Variants in PLEKHA5 observed in about 807,000 individuals in gnomAD.
PLEKHA5 encodes pleckstrin homology domain containing A5.
PLEKHA5 carries 55 observed loss-of-function variants against 181.9 expected under a neutral mutation model. That is an observed-to-expected ratio of 0.30 (90% CI 0.24 to 0.38). The LOEUF is 0.38. Ranked by LOEUF, PLEKHA5 falls within the 10% of genes least tolerant of loss-of-function variation. PLEKHA5 has a pLI of 1.00. For missense variants in PLEKHA5, 1,432 were observed against 1,549.5 expected (o/e 0.92, Z 1.27); for synonymous variants, 535 against 529.4 (o/e 1.01, Z -0.15).
chr12:19,263,184 G>A (rs1199787794), intron 7 of PLEKHA5, among the ~76,000 whole-genome samples: 1 of 147,216 alleles, frequency 6.8e-6, no homozygotes, highest in African/African-American at 2.5e-5. Flanking sequence ...ATTTTTTTTT[G>A]CATATTTAGT....
At chr12:19,232,742 T>C (rs1278526354) in intron 3 of PLEKHA5, among the ~76,000 whole-genome samples, 2 of 152,124 alleles carry the variant, frequency 1.3e-5, no homozygotes, top group African/African-American at 4.8e-5. Flanking sequence ...GTAGTGAAAT[T>C]TCACCTCTAA....
intron 3 of PLEKHA5, among the ~76,000 whole-genome samples, chr12:19,248,511 GTTTAGATATA>G (rs2152502931): frequency 6.6e-6 from 1 of 152,088 alleles, no homozygotes; most frequent in South Asian, 2.1e-4. Context: ...CCTTTTCTGT[GTTTAGATATA>G]TTTAGATACA....
rs531914013 is a variant in PLEKHA5 at position 19,266,622 on chromosome 12, A to G, written c.711+772A>G. 3.3e-5 allele frequency among the ~76,000 whole-genome samples: 5 copies of G among 152,088 alleles called. No individual in the cohort carries two copies. The South Asian group carries it at 1.0e-3, about 32-fold the overall frequency. ...AACATGGTAAAACCCCGACTCTACT[A>G]AAATTACAAAAATTAGCCAGGTGTG... On this transcript the variant is annotated intron_variant, in intron 8 of 31. Coordinates refer to ENST00000429027, the MANE Select transcript of PLEKHA5 (RefSeq NM_001256470.2).
chr12:19,153,292 A>G (rs1269434201), intron 3 of PLEKHA5: 1 of 152,060 alleles, frequency 6.6e-6, no homozygotes, highest in South Asian at 2.1e-4. Context: ...GCATTCATTA[A>G]GATTTTTTTT....
chr12:19,369,942 C>G (rs957632251), intron 31 of PLEKHA5, 144 bp downstream of exon 31: 9 of 462,554 alleles, frequency 1.9e-5, no homozygotes, highest in African/African-American at 1.4e-4. Context: ...ATCTTGGAAC[C>G]AGGGTTGGTA....
chr12:19,147,925 T>TG (rs370294054), intron 3 of PLEKHA5, among the ~76,000 whole-genome samples: 38 of 152,234 alleles, frequency 2.5e-4, no homozygotes, highest in African/African-American at 7.7e-4. Flanking sequence ...TTTTTAGAGA[T>TG]GGGGTCTCAC....
chr12:19,307,827 G>A (rs2084632662), intron 15 of PLEKHA5, among the ~76,000 whole-genome samples: 1 of 151,700 alleles, frequency 6.6e-6, no homozygotes, highest in Non-Finnish European at 1.5e-5. Context: ...AGTACAAACA[G>A]AGAGACAACA....
intron 20 of PLEKHA5, among the ~76,000 whole-genome samples, chr12:19,332,364 CAGTTT>C (rs1433032316): frequency 1.3e-5 from 2 of 152,178 alleles, no homozygotes; most frequent in Non-Finnish European, 2.9e-5. Context: ...GAAAAGCACA[CAGTTT>C]AGGAGTTTAG....
At chr12:19,270,132 T>C in intron 9 of PLEKHA5, 56 bp from the exon 10 acceptor site, 1 of 1,091,822 alleles carries the variant, frequency 9.2e-7, no homozygotes, top group Non-Finnish European at 1.3e-6. Context: ...CCTATCGGTG[T>C]ACTGGGGTGA....
intron 11 of PLEKHA5, among the ~76,000 whole-genome samples, chr12:19,279,727 C>A (rs1429313628): frequency 3.3e-5 from 5 of 151,682 alleles, no homozygotes. Flanking sequence ...CTCCCCTACC[C>A]TGCCCCCAAT....
At chr12:19,259,748 C>T (rs1481013959) in intron 6 of PLEKHA5, among the ~76,000 whole-genome samples, 2 of 138,394 alleles carry the variant, frequency 1.4e-5, no homozygotes, top group African/African-American at 2.7e-5. Flanking sequence ...GAGACTGTCT[C>T]GGAAAAAAAA....
At chr12:19,305,190 T>C (rs190595750) in intron 15 of PLEKHA5, among the ~76,000 whole-genome samples, 5 of 152,276 alleles carry the variant, frequency 3.3e-5, no homozygotes, top group Admixed American at 2.6e-4. Flanking sequence ...TGGGTGTCAG[T>C]TGGGAAATTC....
chr12:19,291,955 T>A (rs1404483042), intron 15 of PLEKHA5, among the ~76,000 whole-genome samples: 1 of 152,194 alleles, frequency 6.6e-6, no homozygotes, highest in Admixed American at 6.6e-5. Context: ...TAGACTTCGT[T>A]CTTCTTATCC....
intron 20 of PLEKHA5, 102 bp downstream of exon 20, chr12:19,322,769 A>G: frequency 1.4e-6 from 1 of 701,678 alleles, no homozygotes. Flanking sequence ...ATTCTTCTAT[A>G]TTATTATAGC....
intron 3 of PLEKHA5, among the ~76,000 whole-genome samples, chr12:19,141,922 A>G (rs1375623918): frequency 6.6e-6 from 1 of 152,190 alleles, no homozygotes; most frequent in East Asian, 1.9e-4. Context: ...TGCTGTCTAC[A>G]TGGGGAGTGG....
chr12:19,202,634 G>A (rs1342876288), intron 3 of PLEKHA5, among the ~76,000 whole-genome samples: 2 of 151,966 alleles, frequency 1.3e-5, no homozygotes, highest in Admixed American at 6.6e-5. Flanking sequence ...ATGTACAAAC[G>A]CCAATTGTGA....
At chr12:19,330,943 C>G (rs910526386) in intron 20 of PLEKHA5, among the ~76,000 whole-genome samples, 2 of 152,114 alleles carry the variant, frequency 1.3e-5, no homozygotes, top group Non-Finnish European at 2.9e-5. Flanking sequence ...AATTACACTA[C>G]ATCTATTGCC....
At chr12:19,200,458 G>T in intron 3 of PLEKHA5, 1 of 1,424,172 alleles carries the variant, frequency 7.0e-7, no homozygotes, top group South Asian at 1.6e-5. Context: ...ATTCTAAACT[G>T]ATTGTCTTCG....
intron 15 of PLEKHA5, chr12:19,306,655 C>T: frequency 7.1e-7 from 1 of 1,403,436 alleles, no homozygotes; most frequent in East Asian, 2.3e-5. Context: ...TAATAGGTGA[C>T]TGATCTCCCC....
Sources: gnomAD v4.1 joint callset for allele counts (sites outside exome capture counted in the v4.1 genomes callset) on GRCh38, gnomAD v4.1.1 for gene constraint, MANE v1.5 for transcripts, NCBI Gene and HGNC (gene_info 2026-07-23, HGNC 2026-07-21) for gene names.